The following CLEC4F variants were observed in gnomAD, a reference collection of about 807,000 sequenced individuals.
The protein encoded by CLEC4F is C-type lectin domain family 4 member F, also known as C-type (calcium dependent, carbohydrate-recognition domain) lectin, superfamily member 13.
CLEC4F carries 45 observed loss-of-function variants against 53.4 expected under a neutral mutation model. That is an observed-to-expected ratio of 0.84 (90% CI 0.66 to 1.08). The LOEUF (loss-of-function observed/expected upper bound fraction) is 1.08, where lower values mean the gene tolerates loss of function less well. Among genes scored for constraint, CLEC4F ranks in the 50% least tolerant of loss-of-function variants. The pLI, the probability that CLEC4F is intolerant of heterozygous loss-of-function variation, is 0.00. For synonymous variants in CLEC4F, 245 were observed against 257.5 expected (o/e 0.95, Z 0.46); for missense variants, 753 against 698.2 (o/e 1.08, Z -0.88).
intron 3 of CLEC4F, among the ~76,000 whole-genome samples, chr2:70,818,207 G>T (rs377012795): frequency 1.1e-3 from 166 of 152,310 alleles, no homozygotes; most frequent in African/African-American, 3.8e-3. Context: ...TTCAGTCAAA[G>T]ATTCTGCTTT....
rs371186732 is a variant in CLEC4F, at chr2:70,816,445, G to C, written c.936C>G (p.Asn312Lys). ...TTAAGAACTGGATCTCAGCACTAGT[G>C]TTGTCAAAACTGCTTTTTATAAAGG... ...TQAFIKSSFD[N>K]TSAEIQFLRG... The change falls in exon 4 of 7, where the codon AAC (asparagine) becomes AAG (lysine). Residue 312 changes from asparagine to lysine, a missense_variant. Physicochemically the swap from Asn to Lys is moderately conservative, Grantham distance 94. Transcript: ENST00000272367. 1 of 1,614,046 alleles carries C rather than the reference G, an allele frequency of 6.2e-7. No homozygotes were observed.
At position 70,817,114 on chromosome 2, in the gene CLEC4F, TGGAG is replaced by T. The variant is rs1461427132; in HGVS notation, c.269-6_269-3del. On this transcript the variant is annotated splice_region_variant and splice_polypyrimidine_tract_variant and intron_variant, in intron 3 of 6. Coordinates refer to ENST00000272367, the MANE Select transcript of CLEC4F (RefSeq NM_173535.3). Reference sequence around the variant, plus strand: ...CCTCCCTGCCAAAGTGGTGATGATCTGGAGGGAGGAAGTGAAGAAGGCAGCCAAA... The same window carrying T: ...CCTCCCTGCCAAAGTGGTGATGATCTGGAGGAAGTGAAGAAGGCAGCCAAA... 1.9e-6 allele frequency: 3 copies of T among 1,603,152 alleles called. No individual in the cohort carries two copies. Among genetic ancestry groups the T allele is most frequent in the Non-Finnish European group, 2.5e-6 (3 of 1,177,950 alleles).
intron 4 of CLEC4F, among the ~76,000 whole-genome samples, chr2:70,813,407 A>G (rs781943552): frequency 1.4e-4 from 21 of 152,214 alleles, no homozygotes; most frequent in Admixed American, 5.9e-4. Context: ...GGAAGAAGGT[A>G]TGGTCTGTTT....
chr2:70,813,561 T>TTCTTTC (rs1676694390), intron 4 of CLEC4F, among the ~76,000 whole-genome samples: 1 of 149,804 alleles, frequency 6.7e-6, no homozygotes, highest in Admixed American at 6.6e-5. Flanking sequence ...CTTTTTTTCT[T>TTCTTTC]TCTTTCTCTT....
Position 70,816,597 on chromosome 2 carries a change from C to A in CLEC4F, c.784G>T (p.Asp262Tyr). 6.2e-7 allele frequency: 1 copy of A among 1,614,060 alleles called. No individual in the cohort carries two copies. The highest frequency in any genetic ancestry group is 8.5e-7 in the Non-Finnish European group (1 of 1,180,032). ...AEIYVLRGHL[D>Y]SVNDLRTQNQ... ...TGGGTCCTCAAGTCATTGACACTATCTAGATGGCCTCTCAAAACATAGATC... is the reference window on the plus strand; with the variant it reads ...TGGGTCCTCAAGTCATTGACACTATATAGATGGCCTCTCAAAACATAGATC... The change falls in exon 4 of 7, where the codon GAT becomes TAT. Residue 262 changes from aspartate (D) to tyrosine (Y), a missense_variant. Coordinates refer to ENST00000272367, the MANE Select transcript of CLEC4F (RefSeq NM_173535.3).
chr2:70,811,981 C>G (rs113610658), intron 5 of CLEC4F, among the ~76,000 whole-genome samples: 2,307 of 152,192 alleles, frequency 0.015, 58 homozygotes, highest in African/African-American at 0.053. Flanking sequence ...GGGGAGCTGA[C>G]CTACTCAGTG....
At chr2:70,817,452 T>G (rs1280601610) in intron 3 of CLEC4F, among the ~76,000 whole-genome samples, 1 of 152,246 alleles carries the variant, frequency 6.6e-6, no homozygotes, top group Non-Finnish European at 1.5e-5. Flanking sequence ...TGAAAGTAAC[T>G]GATTTTATCA....
chr2:70,819,457 A>G lies in CLEC4F; in HGVS notation c.179-13T>C. The G allele has an allele frequency of 1.2e-6, 2 of 1,612,842 alleles. No homozygotes were observed. The highest frequency in any genetic ancestry group is 8.5e-7 in the Non-Finnish European group (1 of 1,178,984). On this transcript the variant is annotated splice_polypyrimidine_tract_variant and intron_variant, in intron 2 of 6. Coordinates refer to ENST00000272367, the MANE Select transcript of CLEC4F (RefSeq NM_173535.3). ...GTCTGCTGTTGAACTGAGACATTCC[A>G]TTTTTCCAGGTCAGCAAATCCCCAG...
At chr2:70,821,628 C>T (rs1406370015), upstream of CLEC4F, among the ~76,000 whole-genome samples, 1 of 152,166 alleles carries the variant, frequency 6.6e-6, no homozygotes, top group African/African-American at 2.4e-5. Context: ...TGTTTTTGTC[C>T]TTTACAATAA....
chr2:70,815,945 T>C (rs782551289), intron 4 of CLEC4F, 49 bp downstream of exon 4: 29 of 1,557,532 alleles, frequency 1.9e-5, no homozygotes, highest in Non-Finnish European at 2.4e-5. Flanking sequence ...GACTCTACCC[T>C]CTCAAGAGAC....
At position 70,817,032 on chromosome 2, in the gene CLEC4F, A is replaced by G; in HGVS notation, c.349T>C (p.Trp117Arg). 6.2e-7 allele frequency: 1 copy of G among 1,614,148 alleles called. No homozygotes were observed. The highest frequency in any genetic ancestry group is 1.1e-5 in the South Asian group (1 of 91,086). ...FKGHMENSSA[W>R]VVEIQMLKCR... The stretch of plus-strand genomic sequence containing the variant: ...TTCAACATCTGGATTTCTACTACCC[A>G]GGCACTGGAATTCTCCATGTGGCCT... Residue 117 changes from tryptophan (W) to arginine (R), a missense_variant, in exon 4 of 7, where the codon TGG becomes CGG. Trp to Arg is a moderately radical substitution (Grantham distance 101). Transcript: ENST00000272367.
intron 2 of CLEC4F, 150 bp downstream of exon 2, chr2:70,819,625 C>A (rs1438281524): frequency 1.2e-5 from 10 of 811,288 alleles, no homozygotes; most frequent in Non-Finnish European, 1.8e-5. Flanking sequence ...TTTATCTGTT[C>A]CCAGGGAAGC....
At chr2:70,817,202 A>G in intron 3 of CLEC4F, 90 bp from the exon 4 acceptor site, 1 of 1,352,304 alleles carries the variant, frequency 7.4e-7, no homozygotes, top group Non-Finnish European at 1.0e-6. Flanking sequence ...TAACATTTCC[A>G]AGGGAAATGG....
At position 70,819,358 on chromosome 2, in the gene CLEC4F, T is replaced by C; in HGVS notation, c.265A>G (p.Asn89Asp). The part of the protein sequence containing the change: ...NITGHLPFEP[N>D]NHHHFGREAE... ...CACCCCCACTGTGGCTACTCACTGT[T>C]GGGTTCAAAAGGTAAATGCCCAGTA... Residue 89 changes from asparagine (N) to aspartate (D), a missense_variant, in exon 3 of 7, where the codon AAC (asparagine) becomes GAC (aspartate). Asn to Asp is a conservative substitution (Grantham distance 23, BLOSUM62 1). Coordinates refer to ENST00000272367, the MANE Select transcript of CLEC4F (RefSeq NM_173535.3). 4 of 1,613,820 alleles carry C rather than the reference T, an allele frequency of 2.5e-6. No individual in the cohort carries two copies. Among genetic ancestry groups the C allele is most frequent in the Non-Finnish European group, 3.4e-6 (4 of 1,179,752 alleles).
upstream of CLEC4F, among the ~76,000 whole-genome samples, chr2:70,821,296 G>C (rs1290305979): frequency 6.6e-6 from 1 of 152,232 alleles, no homozygotes; most frequent in East Asian, 1.9e-4. Context: ...GACTACACTT[G>C]GGTTTATGCT....
chr2:70,824,285 C>CCACCATCT (rs111461357), upstream of CLEC4F, among the ~76,000 whole-genome samples: 91,174 of 151,206 alleles, frequency 0.6, 27,956 homozygotes, highest in Middle Eastern at 0.7. Flanking sequence ...TGAATGCAAA[C>CCACCATCT]CACCTGGCTT....
Position 70,809,815 on chromosome 2 carries a change from C to T in CLEC4F, c.1582G>A (p.Gly528Ser), listed in dbSNP as rs201804036. The change falls in exon 6 of 7, where the codon GGT (glycine) becomes AGT (serine). Residue 528 changes from glycine (G) to serine (S), a missense_variant. Gly to Ser is a moderately conservative substitution (Grantham distance 56). Transcript: ENST00000272367. ...EFTSKVYYWIGLTDRGTEGSW... is the reference protein window; with the variant it reads ...EFTSKVYYWISLTDRGTEGSW... ...CCCTCTGTGCCCCTGTCAGTGAGAC[C>T]GATCCAGTAGTACACTTTACTTGTG... 144 of 1,614,058 alleles carry T rather than the reference C, an allele frequency of 8.9e-5. 2 individuals are homozygous for T. The East Asian group carries it at 9.8e-4, about 11-fold the overall frequency.
upstream of CLEC4F, chr2:70,820,639 C>T: frequency 1.0e-6 from 1 of 993,374 alleles, no homozygotes; most frequent in Non-Finnish European, 1.5e-6. Flanking sequence ...ATGCTCCTGA[C>T]CACCCTCCCA....
chr2:70,813,597 C>CTTTCTTTCTTTCTTTCTTTCTTTCTT (rs1553394931), intron 4 of CLEC4F, among the ~76,000 whole-genome samples: 51 of 106,224 alleles, frequency 4.8e-4, no homozygotes, highest in Non-Finnish European at 4.1e-4. Flanking sequence ...CTCTTTCTTT[C>CTTTCTTTCTTTCTTTCTTTCTTTCTT]TCTTTCTTTC....
Sources: gnomAD v4.1 joint callset for allele counts (sites outside exome capture counted in the v4.1 genomes callset) on GRCh38, gnomAD v4.1.1 for gene constraint, MANE v1.5 for transcripts, NCBI Gene and HGNC (gene_info 2026-07-23, HGNC 2026-07-21) for gene names.